The following CYP7B1 variants were observed in gnomAD, a reference collection of about 807,000 sequenced individuals.
The protein encoded by CYP7B1 is cytochrome P450 family 7 subfamily B member 1, also known as cytochrome P450 7B1.
Under a neutral mutation model 42.7 loss-of-function variants are expected in CYP7B1, and 29 were observed. The ratio of observed to expected loss-of-function variants is 0.68; its 90% CI spans 0.51 to 0.93. The LOEUF (loss-of-function observed/expected upper bound fraction) is 0.93, where lower values mean the gene tolerates loss of function less well. Among genes scored for constraint, CYP7B1 ranks in the 40% least tolerant of loss-of-function variants. The pLI is 0.00. For missense variants in CYP7B1, 655 were observed against 600.5 expected (o/e 1.09, Z -0.95); for synonymous variants, 235 against 218.2 (o/e 1.08, Z -0.68).
At chr8:64,707,517 T>C (rs1401473286) in intron 1 of CYP7B1, among the ~76,000 whole-genome samples, 1 of 152,078 alleles carries the variant, frequency 6.6e-6, no homozygotes, top group Non-Finnish European at 1.5e-5. Flanking sequence ...AATAGACCAC[T>C]ACAAACATGA....
At chr8:64,701,131 T>C (rs538699623) in intron 1 of CYP7B1, among the ~76,000 whole-genome samples, 113 of 152,196 alleles carry the variant, frequency 7.4e-4, no homozygotes, top group African/African-American at 2.6e-3. Context: ...TAATTAATGC[T>C]ATGCTATCTA....
rs778371489 is a variant in CYP7B1, at chr8:64,659,727, AG to A, written c.123-35189del. ...TAACTTCTGTTAAATAGGAGAATAT[AG>A]GAGCTCCAGCCAGTCTGGGTTGGAA... On this transcript the variant is annotated intron_variant, in intron 1 of 5. Transcript: ENST00000310193. Among the ~76,000 whole-genome samples the A allele has an allele frequency of 1.6e-4, 24 of 152,194 alleles. 1 individual carries two copies. The highest frequency in any genetic ancestry group is 1.2e-3 in the Admixed American group (19 of 15,276).
At chr8:64,615,346 C>T in intron 3 of CYP7B1, 114 bp from the exon 4 acceptor site, 1 of 1,037,308 alleles carries the variant, frequency 9.6e-7, no homozygotes, top group Non-Finnish European at 1.4e-6. Flanking sequence ...TCAGTGCATG[C>T]TAATGAGAAC....
intron 1 of CYP7B1, among the ~76,000 whole-genome samples, chr8:64,792,161 A>G (rs189144011): frequency 6.6e-6 from 1 of 152,300 alleles, no homozygotes; most frequent in East Asian, 1.9e-4. Flanking sequence ...GGAAAACAAA[A>G]CTTGTAAATG....
intron 1 of CYP7B1, among the ~76,000 whole-genome samples, chr8:64,789,482 A>G (rs1314560997): frequency 6.6e-6 from 1 of 152,098 alleles, no homozygotes; most frequent in Non-Finnish European, 1.5e-5. Flanking sequence ...CCTACTCCAA[A>G]CTGGGAATTT....
In CYP7B1 at chr8:64,615,139, A is replaced by G. The variant is rs754408217; in HGVS notation, c.944T>C (p.Met315Thr). The part of the protein sequence containing the change: ...MYYLLRHPEA[M>T]AAVRDEIDRL... ...GTCAATTTCGTCACGCACTGCTGCC[A>G]TAGCTTCTGGGTGCCGCAGAAGATA... The change falls in exon 4 of 6, where the codon ATG (methionine) becomes ACG (threonine). Residue 315 changes from methionine (M) to threonine (T), a missense_variant. By Grantham distance (81) the Met-to-Thr change is moderately conservative. Transcript: ENST00000310193. 3 of 1,613,586 alleles carry G rather than the reference A, an allele frequency of 1.9e-6. No homozygotes were observed. Among genetic ancestry groups the G allele is most frequent in the Non-Finnish European group, 2.5e-6 (3 of 1,179,806 alleles).
intron 1 of CYP7B1, among the ~76,000 whole-genome samples, chr8:64,730,552 TTGAGA>T (rs1216922625): frequency 6.6e-6 from 1 of 152,136 alleles, no homozygotes; most frequent in African/African-American, 2.4e-5. Flanking sequence ...TGGTCATTGA[TTGAGA>T]TGAGTACCTG....
intron 1 of CYP7B1, among the ~76,000 whole-genome samples, chr8:64,700,574 C>T (rs1265761156): frequency 6.6e-6 from 1 of 152,062 alleles, no homozygotes; most frequent in Non-Finnish European, 1.5e-5. Context: ...GTTCTACTTA[C>T]AAAAAAGATG....
chr8:64,607,646 GT>G (rs1424969056), intron 4 of CYP7B1, among the ~76,000 whole-genome samples: 1 of 152,116 alleles, frequency 6.6e-6, no homozygotes, highest in African/African-American at 2.4e-5. Context: ...ATTCAACATG[GT>G]AGCCAAACAG....
chr8:64,773,530 A>G (rs1273961131), intron 1 of CYP7B1, among the ~76,000 whole-genome samples: 1 of 152,226 alleles, frequency 6.6e-6, no homozygotes, highest in East Asian at 1.9e-4. Flanking sequence ...TCCCATAGAC[A>G]CTGTACATTC....
intron 1 of CYP7B1, among the ~76,000 whole-genome samples, chr8:64,780,797 A>C (rs1252676600): frequency 6.6e-6 from 1 of 152,044 alleles, no homozygotes; most frequent in Non-Finnish European, 1.5e-5. Flanking sequence ...TTTTTGGGAA[A>C]TCGGTGAAGT....
intron 1 of CYP7B1, among the ~76,000 whole-genome samples, chr8:64,632,505 C>T (rs1167822527): frequency 6.6e-6 from 1 of 152,050 alleles, no homozygotes; most frequent in Non-Finnish European, 1.5e-5. Context: ...TGCTGTACAA[C>T]ATTGTATGTA....
chr8:64,643,322 C>T (rs1383157801), intron 1 of CYP7B1, among the ~76,000 whole-genome samples: 2 of 151,748 alleles, frequency 1.3e-5, no homozygotes, highest in Non-Finnish European at 2.9e-5. Flanking sequence ...ATGAATTATT[C>T]GTTTTTTACA....
chr8:64,791,152 G>C (rs1804610926), intron 1 of CYP7B1, among the ~76,000 whole-genome samples: 1 of 152,170 alleles, frequency 6.6e-6, no homozygotes, highest in South Asian at 2.1e-4. Flanking sequence ...TAGCCTCTAG[G>C]ATATGAGACA....
intron 1 of CYP7B1, among the ~76,000 whole-genome samples, chr8:64,756,174 C>T (rs1221510651): frequency 6.6e-6 from 1 of 152,166 alleles, no homozygotes; most frequent in Non-Finnish European, 1.5e-5. Context: ...TCATTTCCCC[C>T]CCTCTAGTCC....
intron 1 of CYP7B1, among the ~76,000 whole-genome samples, chr8:64,779,595 T>C (rs746829898): frequency 2.0e-4 from 31 of 152,208 alleles, no homozygotes; most frequent in Non-Finnish European, 3.4e-4. Context: ...AAGTTCTCCA[T>C]GCCAGTGACC....
rs1350414168 is a variant in CYP7B1 at position 64,595,184 on chromosome 8, A to G, written c.*1458T>C. Among the ~76,000 whole-genome samples the G allele has an allele frequency of 6.6e-6, 1 of 152,208 alleles. No homozygotes were observed. On this transcript the variant is annotated 3_prime_UTR_variant, in exon 6 of 6. Coordinates refer to ENST00000310193, the MANE Select transcript of CYP7B1 (RefSeq NM_004820.5). Reference sequence around the variant, plus strand: ...CTTTCAAGAAGGAGAGTAAAAATAAAGACACCCTAAATCAAGCAAAAATAG... The same window carrying G: ...CTTTCAAGAAGGAGAGTAAAAATAAGGACACCCTAAATCAAGCAAAAATAG...
At chr8:64,606,609 A>G (rs3779870) in intron 4 of CYP7B1, among the ~76,000 whole-genome samples, 100,818 of 152,090 alleles carry the variant, frequency 0.66, 33,678 homozygotes, top group African/African-American at 0.73. Context: ...TGCGCCCACC[A>G]CAGTATCACA....
chr8:64,691,713 G>A (rs1322957667), intron 1 of CYP7B1, among the ~76,000 whole-genome samples: 1 of 152,172 alleles, frequency 6.6e-6, no homozygotes, highest in Non-Finnish European at 1.5e-5. Flanking sequence ...AACAGTCATG[G>A]ATCATCTGAG....
Sources: gnomAD v4.1 joint callset for allele counts (sites outside exome capture counted in the v4.1 genomes callset) on GRCh38, gnomAD v4.1.1 for gene constraint, MANE v1.5 for transcripts, NCBI Gene and HGNC (gene_info 2026-07-23, HGNC 2026-07-21) for gene names.